CHERP: variants seen among roughly 807,000 people sequenced by gnomAD.
CHERP encodes calcium homeostasis endoplasmic reticulum protein.
CHERP carries 8 observed loss-of-function variants against 113.8 expected under a neutral mutation model. That is an observed-to-expected ratio of 0.07 (90% CI 0.04 to 0.13). CHERP has a LOEUF of 0.13. Among genes scored for constraint, CHERP ranks in the 10% least tolerant of loss-of-function variants. The pLI is 1.00. For synonymous variants in CHERP, 559 were observed against 524.5 expected (o/e 1.07, Z -0.90); for missense variants, 884 against 1,298.2 (o/e 0.68, Z 4.90).
In CHERP at chr19:16,535,341, AG is replaced by A. The variant is rs1006344017; in HGVS notation, c.384+110del. ...TGACATGCACCGAGCCCTGGGTGGCAGGGGGGGCCCTGTCCTCACTGACACC... is the reference window on the plus strand; with the variant it reads ...TGACATGCACCGAGCCCTGGGTGGCAGGGGGGCCCTGTCCTCACTGACACC... On this transcript the variant is annotated intron_variant, in intron 3 of 16. Coordinates refer to ENST00000546361, the MANE Select transcript of CHERP (RefSeq NM_006387.6). This position sits in a 1 kb window ranked among gnomAD's most constrained non-coding sequence, Gnocchi z 4.3. 49 of 1,178,246 alleles carry A rather than the reference AG, an allele frequency of 4.2e-5. No homozygotes were observed. Among genetic ancestry groups the A allele is most frequent in the Non-Finnish European group, 5.1e-5 (43 of 838,408 alleles). The allele number at this position is 1,178,246 out of a possible 1,614,324, so 73.0% of individuals were successfully genotyped here.
At chr19:16,526,853 C>G (rs971715705) in intron 9 of CHERP, among the ~76,000 whole-genome samples, 1 of 152,200 alleles carries the variant, frequency 6.6e-6, no homozygotes, top group Non-Finnish European at 1.5e-5. Flanking sequence ...AGCCTGAAGT[C>G]CTGGCTGAAC....
chr19:16,539,146 GT>G (rs889826521), intron 2 of CHERP, among the ~76,000 whole-genome samples: 2,736 of 130,826 alleles, frequency 0.021, 37 homozygotes, highest in East Asian at 0.086. Flanking sequence ...TTTAGAAACG[GT>G]TTTTTTTTTT....
In CHERP at chr19:16,542,218, C is replaced by A. The variant is rs1027839003; in HGVS notation, c.25+136G>T. The A allele has an allele frequency of 1.0e-5, 11 of 1,084,920 alleles. No individual in the cohort carries two copies. In the African/African-American group the frequency reaches 1.9e-4, roughly 18 times the overall value. 67.2% of individuals were successfully genotyped at this position (1,084,920 alleles called of 1,614,324 possible). A position where few individuals can be genotyped will look rare whatever the true frequency, so the allele number is the denominator to read the frequency against. On this transcript the variant is annotated intron_variant, in intron 1 of 16. Coordinates refer to ENST00000546361, the MANE Select transcript of CHERP (RefSeq NM_006387.6). ...ACACGCTCGCCGGGAATGCGGGGAC[C>A]CACGGGAGAGGCCGCAGGCGAAGCC...
In CHERP at chr19:16,530,574, G is replaced by A. The variant is rs1378501862; in HGVS notation, c.876+11C>T. 6.2e-6 allele frequency: 10 copies of A among 1,612,970 alleles called. No individual in the cohort carries two copies. The highest frequency in any genetic ancestry group is 8.5e-6 in the Non-Finnish European group (10 of 1,179,062). ...CTCTAGGGTGAGGTGTGGGTGGGCA[G>A]GGACACTCACCTGGTACTGACCAAG... On this transcript the variant is annotated intron_variant, in intron 7 of 16. Transcript: ENST00000546361. The surrounding 1 kb of genome is among the most constrained non-coding windows in gnomAD (Gnocchi z 4.1).
intron 2 of CHERP, among the ~76,000 whole-genome samples, chr19:16,540,282 G>C (rs2085769512): frequency 1.3e-5 from 2 of 151,302 alleles, no homozygotes; most frequent in African/African-American, 4.9e-5. Flanking sequence ...GGCCAGGCTG[G>C]TCTCGAACTC....
At chr19:16,522,121 G>GC (rs1433679510) in intron 11 of CHERP, among the ~76,000 whole-genome samples, 3 of 152,138 alleles carry the variant, frequency 2.0e-5, no homozygotes, top group Admixed American at 6.5e-5. Flanking sequence ...GCTTGCCTGG[G>GC]CCCCCGCCCG....
intron 9 of CHERP, among the ~76,000 whole-genome samples, chr19:16,527,133 T>C (rs1461251049): frequency 6.6e-6 from 1 of 152,194 alleles, no homozygotes; most frequent in Non-Finnish European, 1.5e-5. Context: ...GTGAGGGGCG[T>C]GCCCATTGTC....
chr19:16,520,957 A>G lies in CHERP; in HGVS notation c.2115-45T>C. 2 of 1,541,004 alleles carry G rather than the reference A, an allele frequency of 1.3e-6. No individual in the cohort carries two copies. The highest frequency in any genetic ancestry group is 1.8e-6 in the Non-Finnish European group (2 of 1,115,062). ...GTGTGTGACCACGTGACACCCACCCACAAGGAAGTCGTGAAAAAGTCATCA... is the reference window on the plus strand; with the variant it reads ...GTGTGTGACCACGTGACACCCACCCGCAAGGAAGTCGTGAAAAAGTCATCA... On this transcript the variant is annotated intron_variant, in intron 12 of 16. Transcript: ENST00000546361. The surrounding 1 kb of genome is among the most constrained non-coding windows in gnomAD (Gnocchi z 4.0).
rs199947595 is a variant in CHERP at position 16,532,689 on chromosome 19, C to T, written c.583G>A (p.Gly195Ser). The change falls in exon 5 of 17, where the codon GGC becomes AGC. Residue 195 changes from glycine (G) to serine (S), a missense_variant. Around this residue, in one of 8 missense-constraint regions of CHERP, gnomAD observed 73 missense variants for 182.4 expected, o/e 0.40. Coordinates refer to ENST00000546361, the MANE Select transcript of CHERP (RefSeq NM_006387.6). This position sits in a 1 kb window ranked among gnomAD's most constrained non-coding sequence, Gnocchi z 4.4. The part of the protein sequence containing the change: ...KSPPHCELMA[G>S]HLRNRITADG... ...GCCGTGATGCGGTTCCGGAGGTGGC[C>T]GGCCATCAGCTCACAGTGCGGCGGG... 101 of 1,613,560 alleles carry T rather than the reference C, an allele frequency of 6.3e-5. No individual in the cohort carries two copies. Among genetic ancestry groups the T allele is most frequent in the African/African-American group, 4.8e-4 (36 of 74,910 alleles).
At chr19:16,531,711 T>C (rs145000419) in intron 5 of CHERP, among the ~76,000 whole-genome samples, 2 of 151,972 alleles carry the variant, frequency 1.3e-5, no homozygotes, top group African/African-American at 2.4e-5. Flanking sequence ...AATGGAGGCA[T>C]GAGGAGGAGC....
intron 9 of CHERP, among the ~76,000 whole-genome samples, chr19:16,527,634 A>G (rs545012584): frequency 1.3e-5 from 2 of 152,328 alleles, no homozygotes; most frequent in South Asian, 4.1e-4. Flanking sequence ...TGTGACCCAT[A>G]GCAAAGCTGC....
At chr19:16,537,178 C>A (rs886998309) in intron 2 of CHERP, among the ~76,000 whole-genome samples, 2 of 149,682 alleles carry the variant, frequency 1.3e-5, no homozygotes, top group African/African-American at 2.5e-5. Context: ...CCCGCACCCC[C>A]CTCCTTCCCC....
Position 16,535,777 on chromosome 19 carries a change from C to T in CHERP, c.200-141G>A, listed in dbSNP as rs533712464. 140 of 743,946 alleles carry T rather than the reference C, an allele frequency of 1.9e-4. 2 individuals are homozygous for T. The South Asian group carries it at 2.4e-3, about 13-fold the overall frequency. 46.1% of individuals were successfully genotyped at this position (743,946 alleles called of 1,614,324 possible). The stretch of plus-strand genomic sequence containing the variant: ...GGGCCTGTTCATAGCCTCATGCCCA[C>T]GCAAACCAGCTCCTCCTAGTCTCGG... On this transcript the variant is annotated intron_variant, in intron 2 of 16. Coordinates refer to ENST00000546361, the MANE Select transcript of CHERP (RefSeq NM_006387.6). The surrounding 1 kb of genome is among the most constrained non-coding windows in gnomAD (Gnocchi z 4.3).
rs1008350115 is a variant in CHERP at position 16,518,995 on chromosome 19, C to T, written c.*164G>A. Reference sequence around the variant, plus strand: ...GTGCCCTCCACGCCATGGAGCACGGCGTTCCCACTGGGCATGCGCTGGTCT... The same window carrying T: ...GTGCCCTCCACGCCATGGAGCACGGTGTTCCCACTGGGCATGCGCTGGTCT... On this transcript the variant is annotated 3_prime_UTR_variant, in exon 17 of 17. Coordinates refer to ENST00000546361, the MANE Select transcript of CHERP (RefSeq NM_006387.6). 4.4e-5 allele frequency: 30 copies of T among 685,226 alleles called. No individual in the cohort carries two copies. Among genetic ancestry groups the T allele is most frequent in the African/African-American group, 2.2e-4 (12 of 55,200 alleles). 42.4% of individuals were successfully genotyped at this position (685,226 alleles called of 1,614,324 possible).
chr19:16,519,932 C>T lies in CHERP; in HGVS notation c.2462+217G>A. On this transcript the variant is annotated intron_variant, in intron 15 of 16. Transcript: ENST00000546361. This position sits in a 1 kb window ranked among gnomAD's most constrained non-coding sequence, Gnocchi z 6.0. ...CCCACGCTCAGCATTGAGAGCAGGACACCTCCAACCCAGATGGTGGTTAGA... is the reference window on the plus strand; with the variant it reads ...CCCACGCTCAGCATTGAGAGCAGGATACCTCCAACCCAGATGGTGGTTAGA... The T allele has an allele frequency of 1.5e-6, 1 of 657,300 alleles. No individual in the cohort carries two copies. The highest frequency in any genetic ancestry group is 2.7e-5 in the East Asian group (1 of 36,924). 40.7% of individuals were successfully genotyped at this position (657,300 alleles called of 1,614,324 possible).
At chr19:16,522,902 A>C (rs1599747058) in intron 11 of CHERP, 150 bp downstream of exon 11, 1 of 877,074 alleles carries the variant, frequency 1.1e-6, no homozygotes, top group East Asian at 3.1e-5. Context: ...CCGGTTCGGC[A>C]CCTCCCACTG....
At chr19:16,541,839 T>C (rs768887308) in intron 2 of CHERP, 31 bp downstream of exon 2, 1 of 1,597,050 alleles carries the variant, frequency 6.3e-7, no homozygotes, top group Non-Finnish European at 8.5e-7. Flanking sequence ...AAGCGCTCGA[T>C]GGGACGGCCT....
In CHERP at chr19:16,535,661, C is replaced by A; in HGVS notation, c.200-25G>T. ...ACTGGAGGGAGAGGAGGAGGGGTGC[C>A]CCATGAGAATGCAGATGGGGGTCTA... On this transcript the variant is annotated intron_variant, in intron 2 of 16. Coordinates refer to ENST00000546361, the MANE Select transcript of CHERP (RefSeq NM_006387.6). This position sits in a 1 kb window ranked among gnomAD's most constrained non-coding sequence, Gnocchi z 4.3. 1 of 1,477,274 alleles carries A rather than the reference C, an allele frequency of 6.8e-7. No individual in the cohort carries two copies. Among genetic ancestry groups the A allele is most frequent in the East Asian group, 2.5e-5 (1 of 40,398 alleles). 91.5% of individuals were successfully genotyped at this position (1,477,274 alleles called of 1,614,324 possible).
intron 1 of CHERP, 59 bp downstream of exon 1, chr19:16,542,295 C>T (rs2085785954): frequency 2.9e-6 from 4 of 1,367,574 alleles, no homozygotes; most frequent in South Asian, 1.7e-5. Flanking sequence ...GGAGGCGGGG[C>T]CGGCCAATAG....
Sources: allele counts gnomAD v4.1 joint callset (sites outside exome capture counted in the v4.1 genomes callset), GRCh38; gene constraint gnomAD v4.1.1; regional missense constraint gnomAD v4.1.1; non-coding constraint Gnocchi (gnomAD v3.1); transcripts MANE v1.5; gene names NCBI Gene and HGNC (gene_info 2026-07-23, HGNC 2026-07-21).